BBS9: variants seen among roughly 807,000 people sequenced by gnomAD.
BBS9 encodes the protein protein PTHB1.
A neutral mutation model predicts 117.7 loss-of-function variants in BBS9; 89 were observed. That is an observed-to-expected ratio of 0.76 (90% CI 0.64 to 0.90). The LOEUF (loss-of-function observed/expected upper bound fraction) is 0.90. Ranked by LOEUF, BBS9 falls within the 40% of genes least tolerant of loss-of-function variation. The pLI is 0.00. For synonymous variants in BBS9, 379 were observed against 370.9 expected, an observed-to-expected ratio of 1.02 and a Z score of -0.25; for missense variants, 982 against 1,042.2, an observed-to-expected ratio of 0.94 and a Z score of 0.80.
At chr7:33,235,455 A>G (rs1051702234) in intron 5 of BBS9, among the ~76,000 whole-genome samples, 3 of 152,178 alleles carry the variant, frequency 2.0e-5, no homozygotes, top group Non-Finnish European at 4.4e-5. Context: ...TAAACCTTAT[A>G]GTACATTTGG....
At chr7:33,352,656 T>A (rs1818882479) in intron 14 of BBS9, among the ~76,000 whole-genome samples, 1 of 152,128 alleles carries the variant, frequency 6.6e-6, no homozygotes, top group Admixed American at 6.6e-5. Flanking sequence ...ATAAATGTAT[T>A]GTTGGGTTTC....
intron 1 of BBS9, among the ~76,000 whole-genome samples, chr7:33,131,920 A>G (rs963505581): frequency 3.9e-5 from 6 of 152,230 alleles, no homozygotes; most frequent in Non-Finnish European, 8.8e-5. Context: ...AAAGTATTCA[A>G]AACAAAAAAG....
chr7:33,134,049 T>C (rs1286160896), intron 1 of BBS9, among the ~76,000 whole-genome samples: 6 of 152,132 alleles, frequency 3.9e-5, no homozygotes, highest in African/African-American at 1.4e-4. Flanking sequence ...TGACTAATTA[T>C]GCTGAGCATT....
chr7:33,184,263 G>A (rs1798500496), intron 5 of BBS9, among the ~76,000 whole-genome samples: 2 of 152,146 alleles, frequency 1.3e-5, no homozygotes, highest in Admixed American at 1.3e-4. Context: ...AATTTGCTAA[G>A]GGATCTTTTC....
At chr7:33,408,201 A>C (rs530537889) in intron 19 of BBS9, among the ~76,000 whole-genome samples, 1 of 152,280 alleles carries the variant, frequency 6.6e-6, no homozygotes, top group South Asian at 2.1e-4. Context: ...CTGCTGTGCT[A>C]GCAATCAGCG....
chr7:33,565,796 T>C, intron 21 of BBS9, among the ~76,000 whole-genome samples: 1 of 40,556 alleles, frequency 2.5e-5, no homozygotes, highest in South Asian at 7.4e-4. Flanking sequence ...TATATATATA[T>C]ATATATATAT....
At chr7:33,616,691 A>G (rs578244460) in intron 21 of BBS9, among the ~76,000 whole-genome samples, 2 of 151,556 alleles carry the variant, frequency 1.3e-5, no homozygotes, top group African/African-American at 4.8e-5. Context: ...GTTTTTTTTC[A>G]TTTTAATTTT....
At chr7:33,550,049 A>G (rs1854121605) in intron 21 of BBS9, among the ~76,000 whole-genome samples, 1 of 93,992 alleles carries the variant, frequency 1.1e-5, no homozygotes, top group Non-Finnish European at 2.0e-5. Context: ...ACTGATTCAT[A>G]TAACAATTTT....
chr7:33,167,435 C>T (rs562470993), intron 4 of BBS9, among the ~76,000 whole-genome samples: 1 of 146,716 alleles, frequency 6.8e-6, no homozygotes, highest in Non-Finnish European at 1.5e-5. Flanking sequence ...TGGAGTCTAG[C>T]TCTGTTGCCC....
In BBS9 at chr7:33,565,353, C is replaced by A. The variant is rs534895545; in HGVS notation, c.2521+31177C>A. The stretch of plus-strand genomic sequence containing the variant: ...AAGCCTGATTCTGTCACATAAGTTG[C>A]CTATTAGAGTTTCAGGAAAATGCAA... On this transcript the variant is annotated intron_variant, in intron 21 of 22. Coordinates refer to ENST00000242067, the MANE Select transcript of BBS9 (RefSeq NM_198428.3). Among the ~76,000 whole-genome samples the A allele has an allele frequency of 9.2e-5, 14 of 152,150 alleles. No individual in the cohort carries two copies. The East Asian group carries it at 2.5e-3, about 27-fold the overall frequency.
At chr7:33,492,863 G>A (rs1261803158) in intron 19 of BBS9, among the ~76,000 whole-genome samples, 1 of 132,658 alleles carries the variant, frequency 7.5e-6, no homozygotes, top group African/African-American at 2.9e-5. Flanking sequence ...TGTATGTGTT[G>A]AAGGGTACAG....
intron 13 of BBS9, among the ~76,000 whole-genome samples, chr7:33,350,955 A>G (rs1229846719): frequency 6.6e-6 from 1 of 152,016 alleles, no homozygotes; most frequent in Non-Finnish European, 1.5e-5. Flanking sequence ...AGGCCTCCCA[A>G]AGTGTTGGGA....
At chr7:33,407,284 T>A (rs895343864) in intron 19 of BBS9, among the ~76,000 whole-genome samples, 2 of 152,242 alleles carry the variant, frequency 1.3e-5, no homozygotes, top group Non-Finnish European at 2.9e-5. Flanking sequence ...TTCAGCTCCA[T>A]CAGCTCCTTT....
At chr7:33,414,548 A>T (rs1310972338) in intron 19 of BBS9, among the ~76,000 whole-genome samples, 1 of 152,170 alleles carries the variant, frequency 6.6e-6, no homozygotes, top group African/African-American at 2.4e-5. Context: ...AAAAATTGGG[A>T]TCATCATATA....
At chr7:33,507,212 T>C (rs1459898883) in intron 20 of BBS9, among the ~76,000 whole-genome samples, 2 of 152,174 alleles carry the variant, frequency 1.3e-5, no homozygotes, top group Admixed American at 6.6e-5. Context: ...ACTAAAGTTA[T>C]GCAAGATCAG....
At chr7:33,296,040 A>T (rs563845274) in intron 9 of BBS9, among the ~76,000 whole-genome samples, 1 of 152,158 alleles carries the variant, frequency 6.6e-6, no homozygotes, top group Non-Finnish European at 1.5e-5. Flanking sequence ...TATTAATCAC[A>T]GAATTAAACA....
intron 21 of BBS9, among the ~76,000 whole-genome samples, chr7:33,601,631 G>A (rs1863809753): frequency 6.6e-6 from 1 of 152,156 alleles, no homozygotes; most frequent in South Asian, 2.1e-4. Context: ...CAGGCTCCCA[G>A]GTGATTCCTG....
intron 6 of BBS9, among the ~76,000 whole-genome samples, chr7:33,261,812 A>G (rs998855010): frequency 6.6e-6 from 1 of 152,206 alleles, no homozygotes; most frequent in South Asian, 2.1e-4. Flanking sequence ...CACTTGGTGT[A>G]GTTGCGATTA....
At chr7:33,543,414 TTACTC>T (rs1410146312) in intron 21 of BBS9, among the ~76,000 whole-genome samples, 13 of 152,300 alleles carry the variant, frequency 8.5e-5, no homozygotes, top group Admixed American at 2.6e-4. Context: ...GGTTGTCTGT[TTACTC>T]TACTGACTGT....
Sources: allele counts gnomAD v4.1 joint callset (sites outside exome capture counted in the v4.1 genomes callset), GRCh38; gene constraint gnomAD v4.1.1; transcripts MANE v1.5; gene names NCBI Gene and HGNC (gene_info 2026-07-23, HGNC 2026-07-21).